The following ATP2B2 variants were observed in gnomAD, a reference collection of about 807,000 sequenced individuals.
ATP2B2 encodes plasma membrane calcium-transporting ATPase 2.
Under a neutral mutation model 120.0 loss-of-function variants are expected in ATP2B2, and 15 were observed. The observed-to-expected ratio is 0.12, with a 90% CI of 0.08 to 0.19. ATP2B2 has a LOEUF of 0.19. Among genes scored for constraint, ATP2B2 ranks in the 10% least tolerant of loss-of-function variants. The pLI is 1.00. For missense variants in ATP2B2, 1,045 were observed against 1,719.8 expected, an observed-to-expected ratio of 0.61 and a Z score of 6.94; for synonymous variants, 694 against 700.3, an observed-to-expected ratio of 0.99 and a Z score of 0.14.
At chr3:10,669,161 C>T (rs2071027079) in intron 1 of ATP2B2, among the ~76,000 whole-genome samples, 2 of 152,276 alleles carry the variant, frequency 1.3e-5, no homozygotes, top group African/African-American at 4.8e-5. Context: ...GGGATATTTG[C>T]CAAATGCTTT....
At chr3:10,364,369 T>C (rs552180854) in intron 12 of ATP2B2, among the ~76,000 whole-genome samples, 2 of 152,318 alleles carry the variant, frequency 1.3e-5, no homozygotes, top group Admixed American at 1.3e-4. Context: ...GTAAATTTTA[T>C]GGTATATATA....
intron 11 of ATP2B2, among the ~76,000 whole-genome samples, chr3:10,373,129 C>T (rs2061289505): frequency 6.6e-6 from 1 of 152,230 alleles, no homozygotes; most frequent in South Asian, 2.1e-4. Context: ...GTTGAATGAT[C>T]AACAGCAACT....
upstream of ATP2B2, among the ~76,000 whole-genome samples, chr3:10,508,196 CT>C (rs1226501398): frequency 6.6e-6 from 1 of 152,200 alleles, no homozygotes; most frequent in Non-Finnish European, 1.5e-5. Context: ...CTGGATGCCC[CT>C]ATCTCCTGAG....
chr3:10,653,758 T>C (rs115092388), intron 1 of ATP2B2, among the ~76,000 whole-genome samples: 1,618 of 152,250 alleles, frequency 0.011, 28 homozygotes, highest in African/African-American at 0.036. Context: ...AACCTAGGCT[T>C]AGTGAGAGTC....
intron 1 of ATP2B2, among the ~76,000 whole-genome samples, chr3:10,496,836 T>C (rs1451532009): frequency 6.6e-6 from 1 of 152,248 alleles, no homozygotes; most frequent in African/African-American, 2.4e-5. Flanking sequence ...CCAAGGTCAC[T>C]TGAAGTGCTT....
chr3:10,378,212 C>G, intron 10 of ATP2B2, 40 bp downstream of exon 10: 2 of 1,595,142 alleles, frequency 1.3e-6, no homozygotes, highest in Non-Finnish European at 1.7e-6. Context: ...TGGGGTCCCC[C>G]TGTGAGCCCT....
rs140327013 is a variant in ATP2B2 at position 10,358,908 on chromosome 3, T to C, written c.1919A>G (p.Asn640Ser). ...GAAGACACGAGGCTCTCCCGCCCCATTGAGGATTTTGCAGCACCTAGGGGA... is the reference window on the plus strand; with the variant it reads ...GAAGACACGAGGCTCTCCCGCCCCACTGAGGATTTTGCAGCACCTAGGGGA... ...IVLKKCCKIL[N>S]GAGEPRVFRP... The change falls in exon 14 of 23, where the codon AAT (asparagine) becomes AGT (serine). Residue 640 changes from asparagine (N) to serine (S), a missense_variant. This residue lies in a region of ATP2B2 where 343 missense variants were observed against 536.8 expected (regional missense o/e 0.64). Coordinates refer to ENST00000360273, the MANE Select transcript of ATP2B2 (RefSeq NM_001001331.4). 627 of 1,613,734 alleles carry C rather than the reference T, an allele frequency of 3.9e-4. No homozygotes were observed. Among genetic ancestry groups the C allele is most frequent in the Non-Finnish European group, 4.6e-4 (544 of 1,179,944 alleles).
At chr3:10,586,126 G>T (rs1332210353) in intron 2 of ATP2B2, among the ~76,000 whole-genome samples, 2 of 152,160 alleles carry the variant, frequency 1.3e-5, no homozygotes, top group African/African-American at 2.4e-5. Flanking sequence ...AGTGGTATTT[G>T]TTTACTTCTG....
chr3:10,624,964 T>C (rs1354361630), intron 1 of ATP2B2, among the ~76,000 whole-genome samples: 1 of 152,192 alleles, frequency 6.6e-6, no homozygotes, highest in African/African-American at 2.4e-5. Flanking sequence ...CAAGGCCAGA[T>C]GGGAAAGCGG....
chr3:10,575,633 C>T (rs1397410822), intron 2 of ATP2B2, among the ~76,000 whole-genome samples: 1 of 152,178 alleles, frequency 6.6e-6, no homozygotes, highest in Non-Finnish European at 1.5e-5. Context: ...TAGCTGGCAG[C>T]TCATGCATGC....
intron 3 of ATP2B2, among the ~76,000 whole-genome samples, chr3:10,518,082 G>T (rs1277298418): frequency 6.6e-6 from 1 of 152,180 alleles, no homozygotes; most frequent in Non-Finnish European, 1.5e-5. Flanking sequence ...ACAGCAAAAA[G>T]ATTTGCATTT....
chr3:10,608,827 G>A (rs577149933), intron 2 of ATP2B2, among the ~76,000 whole-genome samples: 3 of 152,266 alleles, frequency 2.0e-5, no homozygotes, highest in East Asian at 3.9e-4. Context: ...CAAGACTAGG[G>A]GCGCTGCTGG....
chr3:10,651,668 G>A (rs1327986705), intron 1 of ATP2B2, among the ~76,000 whole-genome samples: 1 of 152,036 alleles, frequency 6.6e-6, no homozygotes, highest in African/African-American at 2.4e-5. Context: ...AAGGGTGGGT[G>A]AATGGCTGGG....
At chr3:10,350,706 C>T in intron 14 of ATP2B2, 129 bp from the exon 15 acceptor site, 1 of 977,330 alleles carries the variant, frequency 1.0e-6, no homozygotes, top group Non-Finnish European at 1.5e-6. Flanking sequence ...CTATGAGATG[C>T]TGATGACGCA....
intron 3 of ATP2B2, among the ~76,000 whole-genome samples, chr3:10,513,106 A>ATGAAATGATCAC (rs1259127810): frequency 1.3e-5 from 2 of 152,354 alleles, no homozygotes; most frequent in East Asian, 3.9e-4. Context: ...CAGCCATGAA[A>ATGAAATGATCAC]TGAAATGATC....
At chr3:10,668,875 C>T (rs2071018919) in intron 1 of ATP2B2, among the ~76,000 whole-genome samples, 1 of 152,186 alleles carries the variant, frequency 6.6e-6, no homozygotes, top group Non-Finnish European at 1.5e-5. Context: ...GTAGGCAGCA[C>T]ACAGTAGGCG....
chr3:10,695,680 C>T (rs1242457936), intron 1 of ATP2B2, among the ~76,000 whole-genome samples: 1 of 152,182 alleles, frequency 6.6e-6, no homozygotes, highest in Non-Finnish European at 1.5e-5. Flanking sequence ...ACAGAGCTAC[C>T]TACCTGACCT....
chr3:10,437,177 C>T (rs2063503906), intron 2 of ATP2B2, among the ~76,000 whole-genome samples: 1 of 152,060 alleles, frequency 6.6e-6, no homozygotes, highest in Non-Finnish European at 1.5e-5. Context: ...AGTTTTGTGC[C>T]AGATGGCTGT....
chr3:10,490,400 C>CTTT (rs34189325), intron 1 of ATP2B2, among the ~76,000 whole-genome samples: 3,739 of 136,808 alleles, frequency 0.027, 132 homozygotes, highest in East Asian at 0.13. Context: ...CCACGGCATT[C>CTTT]TTTTTTTTTT....
Sources: allele counts gnomAD v4.1 joint callset (sites outside exome capture counted in the v4.1 genomes callset), GRCh38; gene constraint gnomAD v4.1.1; regional missense constraint gnomAD v4.1.1; transcripts MANE v1.5; gene names NCBI Gene and HGNC (gene_info 2026-07-23, HGNC 2026-07-21).